COL5A1: variants seen among roughly 807,000 people sequenced by gnomAD.
The protein encoded by COL5A1 is collagen type V alpha 1 chain.
In COL5A1, 16 loss-of-function variants were observed where a neutral mutation model predicts 263.7. That is an observed-to-expected ratio of 0.06 (90% CI 0.04 to 0.09). The LOEUF (loss-of-function observed/expected upper bound fraction) is 0.09. Ranked by LOEUF, COL5A1 falls within the 10% of genes least tolerant of loss-of-function variation. The pLI is 1.00. For synonymous variants in COL5A1, 1,012 were observed against 1,004.5 expected, an observed-to-expected ratio of 1.01 and a Z score of -0.14; for missense variants, 2,036 against 2,540.5, an observed-to-expected ratio of 0.80 and a Z score of 4.27.
chr9:134,691,163 G>A (rs1161168345), intron 2 of COL5A1, 84 bp downstream of exon 2: 33 of 1,553,460 alleles, frequency 2.1e-5, no homozygotes, highest in Non-Finnish European at 2.6e-5. Context: ...AAGCCTGCGT[G>A]GTGGCAGAAG....
At chr9:134,807,754 C>A (rs553122472) in intron 42 of COL5A1, among the ~76,000 whole-genome samples, 10 of 152,330 alleles carry the variant, frequency 6.6e-5, no homozygotes, top group Admixed American at 3.3e-4. Flanking sequence ...GTCTTCTAAT[C>A]ATTTCCAGTG....
At chr9:134,715,990 TGG>T (rs1834247037) in intron 4 of COL5A1, among the ~76,000 whole-genome samples, 2 of 150,922 alleles carry the variant, frequency 1.3e-5, no homozygotes, top group East Asian at 3.9e-4. Context: ...GTGGTGGTGG[TGG>T]TGGTGGTGGT....
chr9:134,809,309 GA>G lies in COL5A1; in HGVS notation c.3474+20del. 1 of 1,581,974 alleles carries G rather than the reference GA, an allele frequency of 6.3e-7. No individual in the cohort carries two copies. Among genetic ancestry groups the G allele is most frequent in the East Asian group, 2.3e-5 (1 of 44,392 alleles). On this transcript the variant is annotated intron_variant, in intron 43 of 65. Transcript: ENST00000371817. ...AGATAAGGTAAGGCAAATCCAGAGT[GA>G]CCCATGGCTGGGCCTGGCTGGGCAG...
rs1283408206 is a variant in COL5A1 at position 134,844,312 on chromosome 9, A to G, written c.*2009A>G. 1 of 152,572 alleles carries G rather than the reference A, an allele frequency of 6.6e-6. No individual in the cohort carries two copies. Among genetic ancestry groups the G allele is most frequent in the Non-Finnish European group, 1.5e-5 (1 of 68,028 alleles). 9.5% of individuals were successfully genotyped at this position (152,572 alleles called of 1,614,324 possible). A position where few individuals can be genotyped will look rare whatever the true frequency, so the allele number is the denominator to read the frequency against. On this transcript the variant is annotated 3_prime_UTR_variant, in exon 66 of 66. Transcript: ENST00000371817. ...AATGACTGTCACCTTCATCTCTTCA[A>G]AAGAAAAGCCATAGCCGAGGACTGT...
chr9:134,760,145 GAC>G (rs1326394916), intron 18 of COL5A1, among the ~76,000 whole-genome samples: 1 of 67,288 alleles, frequency 1.5e-5, no homozygotes, highest in African/African-American at 6.9e-5. Context: ...CACATGTGCA[GAC>G]ACCACACATG....
intron 59 of COL5A1, among the ~76,000 whole-genome samples, chr9:134,822,619 G>A (rs1839053434): frequency 1.3e-5 from 2 of 152,042 alleles, no homozygotes; most frequent in Non-Finnish European, 2.9e-5. Flanking sequence ...GCCCCCGGGG[G>A]CCCCTGGCAC....
chr9:134,718,105 G>T (rs1392921522), intron 4 of COL5A1, among the ~76,000 whole-genome samples: 2 of 152,184 alleles, frequency 1.3e-5, no homozygotes, highest in Admixed American at 6.5e-5. Flanking sequence ...AAACTTTGCA[G>T]TTTCCTCAGC....
At position 134,728,715 on chromosome 9, in the gene COL5A1, C is replaced by A. The variant is rs759839246; in HGVS notation, c.832C>A (p.Pro278Thr). The change falls in exon 6 of 66, where the codon CCC (proline) becomes ACC (threonine). Residue 278 changes from proline to threonine, a missense_variant. By Grantham distance (38) the Pro-to-Thr change is conservative. Coordinates refer to ENST00000371817, the MANE Select transcript of COL5A1 (RefSeq NM_000093.5). ...GGGTGAGACCTATTACTACGAATAC[C>A]CCTACTACGAAGACCCCGAAGACCT... ...GEGETYYYEY[P>T]YYEDPEDLGK... The A allele has an allele frequency of 6.2e-7, 1 of 1,614,186 alleles. No individual in the cohort carries two copies. The highest frequency in any genetic ancestry group is 2.2e-5 in the East Asian group (1 of 44,878).
intron 11 of COL5A1, 33 bp downstream of exon 11, chr9:134,738,841 C>G: frequency 6.3e-7 from 1 of 1,587,454 alleles, no homozygotes; most frequent in South Asian, 1.1e-5. Context: ...TGAGATCACA[C>G]AAGGTGTGGG....
chr9:134,644,206 G>A (rs1341732314), intron 1 of COL5A1, among the ~76,000 whole-genome samples: 15 of 139,192 alleles, frequency 1.1e-4, no homozygotes, highest in African/African-American at 2.2e-4. Context: ...GCGCTGGGGG[G>A]AGGGGGCGGC....
rs756974495 is a variant in COL5A1 at position 134,696,478 on chromosome 9, G to A, written c.278-3431G>A. Among the ~76,000 whole-genome samples, 3 of 152,218 alleles carry A rather than the reference G, an allele frequency of 2.0e-5. 1 individual carries two copies. Among genetic ancestry groups the A allele is most frequent in the Middle Eastern group, 6.8e-3 (2 of 294 alleles). ...AGGCATGAACCACCTCGCCCAGCCT[G>A]CAATTATTTAACTAACTGGTTTGGT... On this transcript the variant is annotated intron_variant, in intron 2 of 65. Transcript: ENST00000371817. This position sits in a 1 kb window ranked among gnomAD's most constrained non-coding sequence, Gnocchi z 4.3.
At chr9:134,723,879 G>A (rs1364486559) in intron 4 of COL5A1, among the ~76,000 whole-genome samples, 1 of 152,232 alleles carries the variant, frequency 6.6e-6, no homozygotes, top group African/African-American at 2.4e-5. Flanking sequence ...GGTGGGCTTG[G>A]GGAGGGTTCT....
At chr9:134,699,818 G>T in intron 2 of COL5A1, 91 bp from the exon 3 acceptor site, 1 of 1,273,934 alleles carries the variant, frequency 7.8e-7, no homozygotes. Flanking sequence ...AGCTTCCCAG[G>T]GTCCCGGGCT....
intron 1 of COL5A1, among the ~76,000 whole-genome samples, chr9:134,664,071 T>C (rs1832287444): frequency 1.3e-5 from 2 of 152,214 alleles, no homozygotes; most frequent in African/African-American, 2.4e-5. Context: ...GCCAGGGCAC[T>C]GGCAGAAATG....
chr9:134,704,660 G>T (rs1833781632), intron 4 of COL5A1, among the ~76,000 whole-genome samples: 1 of 152,188 alleles, frequency 6.6e-6, no homozygotes, highest in Non-Finnish European at 1.5e-5. Context: ...GTTGTTAATG[G>T]TCTGGAGGAG....
chr9:134,696,170 A>AATTATTATTATT lies in COL5A1; in HGVS notation c.278-3729_278-3718dup, dbSNP rs555022941. ...CCCCACTGCCCCCTGCATTATTTGCAATTATTATTATTATTATTATTGAGA... is the reference window on the plus strand; with the variant it reads ...CCCCACTGCCCCCTGCATTATTTGCAATTATTATTATTATTATTATTATTATTATTATTGAGA... On this transcript the variant is annotated intron_variant, in intron 2 of 65. Coordinates refer to ENST00000371817, the MANE Select transcript of COL5A1 (RefSeq NM_000093.5). The surrounding 1 kb of genome is among the most constrained non-coding windows in gnomAD (Gnocchi z 4.3). 6.6e-6 allele frequency among the ~76,000 whole-genome samples: 1 copy of AATTATTATTATT among 151,122 alleles called. No homozygotes were observed. The highest frequency in any genetic ancestry group is 2.4e-5 in the African/African-American group (1 of 41,060).
chr9:134,651,516 G>A (rs1831685898), intron 1 of COL5A1, among the ~76,000 whole-genome samples: 1 of 152,086 alleles, frequency 6.6e-6, no homozygotes. Context: ...AAAAAAAAAT[G>A]AAAATAAAAA....
In COL5A1 at chr9:134,720,737, C is replaced by A. The variant is rs1416438438; in HGVS notation, c.655-6529C>A. Among the ~76,000 whole-genome samples the A allele has an allele frequency of 2.0e-5, 3 of 152,102 alleles. No homozygotes were observed. In the East Asian group the frequency reaches 5.8e-4, roughly 29 times the overall value. ...GTGATGAAATGGGGAGACTGTGGCTCCCAGGGGCTGGTTGCCTGGCTGGTA... is the reference window on the plus strand; with the variant it reads ...GTGATGAAATGGGGAGACTGTGGCTACCAGGGGCTGGTTGCCTGGCTGGTA... On this transcript the variant is annotated intron_variant, in intron 4 of 65. Transcript: ENST00000371817.
At chr9:134,837,587 G>A (rs940632670) in intron 65 of COL5A1, among the ~76,000 whole-genome samples, 1 of 151,842 alleles carries the variant, frequency 6.6e-6, no homozygotes, top group East Asian at 1.9e-4. Context: ...CTCAGAACCT[G>A]ACTTCCTGGC....
Sources: gnomAD v4.1 joint callset for allele counts (sites outside exome capture counted in the v4.1 genomes callset) on GRCh38, gnomAD v4.1.1 for gene constraint, Gnocchi (gnomAD v3.1) non-coding constraint, MANE v1.5 for transcripts, NCBI Gene and HGNC (gene_info 2026-07-23, HGNC 2026-07-21) for gene names.